ZNF469: variants seen among roughly 807,000 people sequenced by gnomAD.
ZNF469 encodes zinc finger protein 469.
Under a neutral mutation model 1.0 loss-of-function variants are expected in ZNF469, and 1 was observed. That is an observed-to-expected ratio of 1.00 (90% CI 0.35 to 4.73). The LOEUF (loss-of-function observed/expected upper bound fraction) is 4.73, where lower values mean the gene tolerates loss of function less well. ZNF469 is among the 30% of genes most tolerant of loss of function. The probability of loss-of-function intolerance (pLI) is 0.16; values close to 1 mark genes in which losing one functional copy is unlikely to be tolerated. For missense variants in ZNF469, 6,100 were observed against 5,356.3 expected, an observed-to-expected ratio of 1.14 and a Z score of -4.33; for synonymous variants, 2,703 against 2,363.4, an observed-to-expected ratio of 1.14 and a Z score of -4.17.
the ZNF469 span, among the ~76,000 whole-genome samples, chr16:88,192,849 AATGATGGTGATGACGGTGGTG>A: frequency 1.7e-5 from 1 of 58,810 alleles, no homozygotes; most frequent in Non-Finnish European, 3.6e-5. Context: ...CAATGATGAT[AATGATGGTGATGACGGTGGTG>A]GTGATGATGA....
At chr16:88,343,535 G>A in the ZNF469 span, among the ~76,000 whole-genome samples, 1 of 152,132 alleles carries the variant, frequency 6.6e-6, no homozygotes, top group African/African-American at 2.4e-5. Context: ...GTTTATAAAG[G>A]AAAGAAGTTT....
At chr16:88,305,903 T>C in the ZNF469 span, among the ~76,000 whole-genome samples, 1 of 151,996 alleles carries the variant, frequency 6.6e-6, no homozygotes. Context: ...CACACTCTCA[T>C]GCACACCGAT....
chr16:88,145,101 C>T, the ZNF469 span, among the ~76,000 whole-genome samples: 2 of 151,880 alleles, frequency 1.3e-5, no homozygotes, highest in Non-Finnish European at 2.9e-5. Flanking sequence ...CCGCCCACCT[C>T]AGCTTCCCAA....
At chr16:88,270,530 T>C in the ZNF469 span, among the ~76,000 whole-genome samples, 1 of 152,230 alleles carries the variant, frequency 6.6e-6, no homozygotes, top group African/African-American at 2.4e-5. Flanking sequence ...TGGGCATTTG[T>C]GTGCATGCTT....
Position 88,427,641 on chromosome 16 carries a change from C to T in ZNF469, c.171C>T (p.Ala57=). 1 of 1,537,150 alleles carries T rather than the reference C, an allele frequency of 6.5e-7. No homozygotes were observed. Among genetic ancestry groups the T allele is most frequent in the Non-Finnish European group, 8.7e-7 (1 of 1,146,216 alleles). ...GGGAGGCTGGCGGCCAGGCCCAGGCCATGGAGCTCCCCGAGGCCCAGCCAA... is the reference window on the plus strand; with the variant it reads ...GGGAGGCTGGCGGCCAGGCCCAGGCTATGGAGCTCCCCGAGGCCCAGCCAA... The part of the protein sequence containing the change: ...GAREAGGQAQ[A]MELPEAQPRQ... Residue 57 remains alanine, a synonymous_variant, in exon 3 of 3, where the codon GCC becomes GCT. Coordinates refer to ENST00000565624, the MANE Select transcript of ZNF469 (RefSeq NM_001367624.2).
At position 88,428,928 on chromosome 16, in the gene ZNF469, A is replaced by G. The variant is rs939220494; in HGVS notation, c.1458A>G (p.Gln486=). The change falls in exon 3 of 3, where the codon CAA becomes CAG. Residue 486 remains glutamine (Q), a synonymous_variant. Coordinates refer to ENST00000565624, the MANE Select transcript of ZNF469 (RefSeq NM_001367624.2). ...AGAGTGCCCCCCTGCCTTGGCCCCA[A>G]GTGCTCCCGACCGCCCGGCCAAGTC... is the stretch of plus-strand genomic sequence containing the variant. The part of the protein sequence containing the change: ...LPQSAPLPWP[Q]VLPTARPSPH... 5.8e-6 allele frequency: 9 copies of G among 1,546,074 alleles called. No homozygotes were observed. The highest frequency in any genetic ancestry group is 7.9e-6 in the Non-Finnish European group (9 of 1,145,426).
At chr16:88,103,452 C>T in the ZNF469 span, among the ~76,000 whole-genome samples, 48 of 152,380 alleles carry the variant, frequency 3.2e-4, no homozygotes, top group African/African-American at 1.1e-3. Context: ...TCCAGCCACC[C>T]GCCCTCGGGA....
chr16:88,276,251 A>T, the ZNF469 span, among the ~76,000 whole-genome samples: 1 of 152,118 alleles, frequency 6.6e-6, no homozygotes, highest in Non-Finnish European at 1.5e-5. Flanking sequence ...CGTGTAAGCG[A>T]GTGTGCTAAA....
At chr16:88,117,573 C>CGGACCGTGGAGGTGCCACGTGCCTTCAG in the ZNF469 span, among the ~76,000 whole-genome samples, 325 of 22,222 alleles carry the variant, frequency 0.015, no homozygotes, top group African/African-American at 0.062. Flanking sequence ...CGTGCCTTCA[C>CGGACCGTGGAGGTGCCACGTGCCTTCAG]GGACCGTGGA....
At position 88,436,296 on chromosome 16, in the gene ZNF469, G is replaced by C; in HGVS notation, c.8826G>C (p.Gly2942=). Residue 2942 remains glycine (G), a synonymous_variant, in exon 3 of 3, where the codon GGG becomes GGC. Transcript: ENST00000565624. The part of the protein sequence containing the change: ...AGLPESFLLD[G]FLNSRVPGID... ...TGCCCGAGTCCTTCCTCCTGGATGG[G>C]TTCCTCAATAGCAGGGTGCCTGGCA... The C allele has an allele frequency of 6.5e-7, 1 of 1,549,934 alleles. No homozygotes were observed. The highest frequency in any genetic ancestry group is 2.4e-5 in the East Asian group (1 of 40,904).
At chr16:88,256,670 C>G in the ZNF469 span, among the ~76,000 whole-genome samples, 1 of 152,134 alleles carries the variant, frequency 6.6e-6, no homozygotes, top group Non-Finnish European at 1.5e-5. Flanking sequence ...GCATTCCCAT[C>G]AGCAATGAGT....
chr16:88,264,477 C>T, the ZNF469 span, among the ~76,000 whole-genome samples: 136 of 151,722 alleles, frequency 9.0e-4, 1 homozygote, highest in South Asian at 3.6e-3. Flanking sequence ...TCTGCCCCCA[C>T]CCCAGCCTCC....
At chr16:88,184,752 A>T in the ZNF469 span, among the ~76,000 whole-genome samples, 1 of 152,082 alleles carries the variant, frequency 6.6e-6, no homozygotes, top group Non-Finnish European at 1.5e-5. Flanking sequence ...GACGTGCGAG[A>T]GGCATTTACG....
chr16:88,131,239 G>A, the ZNF469 span, among the ~76,000 whole-genome samples: 1 of 152,216 alleles, frequency 6.6e-6, no homozygotes, highest in Non-Finnish European at 1.5e-5. Flanking sequence ...AATTTCAAAA[G>A]TGACTGCTTT....
At chr16:88,296,213 C>T in the ZNF469 span, among the ~76,000 whole-genome samples, 1 of 152,210 alleles carries the variant, frequency 6.6e-6, no homozygotes, top group African/African-American at 2.4e-5. Flanking sequence ...TGTCCAGACT[C>T]CAGATGCCTG....
At chr16:88,312,087 A>C in the ZNF469 span, among the ~76,000 whole-genome samples, 5 of 152,236 alleles carry the variant, frequency 3.3e-5, no homozygotes, top group African/African-American at 4.8e-5. Context: ...AGAGAGAATG[A>C]AAACCAAGTG....
chr16:88,217,463 T>C, the ZNF469 span, among the ~76,000 whole-genome samples: 1 of 151,932 alleles, frequency 6.6e-6, no homozygotes, highest in Non-Finnish European at 1.5e-5. Context: ...TATTATACTT[T>C]AAGTTTTAGG....
chr16:88,427,269 A>G (rs1905752077), intron 2 of ZNF469, among the ~76,000 whole-genome samples, 76 bp from the exon 3 acceptor site: 1 of 152,082 alleles, frequency 6.6e-6, no homozygotes, highest in Admixed American at 6.5e-5. Flanking sequence ...ACCCGCATGG[A>G]GAGCCTAGAA....
the ZNF469 span, among the ~76,000 whole-genome samples, chr16:88,356,089 C>T: frequency 2.6e-5 from 4 of 152,186 alleles, no homozygotes; most frequent in East Asian, 1.9e-4. Flanking sequence ...TCAGACCGCA[C>T]GCCCCGCCCT....
Sources: allele counts gnomAD v4.1 joint callset (sites outside exome capture counted in the v4.1 genomes callset), GRCh38; gene constraint gnomAD v4.1.1; transcripts MANE v1.5; gene names NCBI Gene and HGNC (gene_info 2026-07-23, HGNC 2026-07-21).